CELSR1: variants seen among roughly 807,000 people sequenced by gnomAD.
CELSR1 encodes adhesion G protein-coupled receptor C1.
In CELSR1, 110 loss-of-function variants were observed where a neutral mutation model predicts 249.1. The observed-to-expected ratio is 0.44, with a 90% CI of 0.38 to 0.52. The LOEUF is 0.52. CELSR1 is among the 20% of genes least tolerant of loss of function. CELSR1 has a pLI of 0.00. For missense variants in CELSR1, 4,109 were observed against 4,296.4 expected, an observed-to-expected ratio of 0.96 and a Z score of 1.22; for synonymous variants, 2,113 against 1,900.0, an observed-to-expected ratio of 1.11 and a Z score of -2.92.
chr22:46,486,869 T>C (rs1388360259), intron 1 of CELSR1, among the ~76,000 whole-genome samples: 1 of 152,018 alleles, frequency 6.6e-6, no homozygotes, highest in East Asian at 1.9e-4. Context: ...AATAAAGTCA[T>C]GCATCAGGAC....
In CELSR1 at chr22:46,390,351, C is replaced by A. The variant is rs1176293309; in HGVS notation, c.6345+41G>T. 3 of 1,497,670 alleles carry A rather than the reference C, an allele frequency of 2.0e-6. No homozygotes were observed. The highest frequency in any genetic ancestry group is 2.8e-6 in the Non-Finnish European group (3 of 1,086,048). The allele number at this position is 1,497,670 out of a possible 1,614,324, so 92.8% of individuals were successfully genotyped here. On this transcript the variant is annotated intron_variant, in intron 17 of 34. Transcript: ENST00000674500. This position sits in a 1 kb window ranked among gnomAD's most constrained non-coding sequence, Gnocchi z 6.3. ...ACTCTCTCACGCATACACGAACACA[C>A]ACGTGCCCCTGCTGAACACACATCC...
At chr22:46,508,438 C>T (rs1451887025) in intron 1 of CELSR1, among the ~76,000 whole-genome samples, 2 of 138,548 alleles carry the variant, frequency 1.4e-5, no homozygotes, top group African/African-American at 6.1e-5. Flanking sequence ...GTGGCCCCCC[C>T]ACCCCCGCCC....
intron 1 of CELSR1, among the ~76,000 whole-genome samples, chr22:46,501,531 A>T (rs2080466772): frequency 6.6e-6 from 1 of 152,136 alleles, no homozygotes; most frequent in Non-Finnish European, 1.5e-5. Flanking sequence ...TTAAACAGAC[A>T]TTTAAATAAG....
intron 3 of CELSR1, among the ~76,000 whole-genome samples, chr22:46,438,132 A>C (rs2079687274): frequency 6.6e-6 from 1 of 151,640 alleles, no homozygotes. Context: ...GAGGGTTGGA[A>C]CAATGCAAGC....
chr22:46,454,881 G>C lies in CELSR1; in HGVS notation c.4183+8826C>G, dbSNP rs1349846486. ...CTGAATTGTGTCCCCAGAAAGATAC[G>C]CTCAGTTACGAACTCCCAGTACCCT... On this transcript the variant is annotated intron_variant, in intron 2 of 34. Coordinates refer to ENST00000674500, the MANE Select transcript of CELSR1 (RefSeq NM_001378328.1). This position sits in a 1 kb window ranked among gnomAD's most constrained non-coding sequence, Gnocchi z 5.1. Among the ~76,000 whole-genome samples, 1 of 152,224 alleles carries C rather than the reference G, an allele frequency of 6.6e-6. No individual in the cohort carries two copies. Among genetic ancestry groups the C allele is most frequent in the Non-Finnish European group, 1.5e-5 (1 of 68,038 alleles).
chr22:46,396,768 T>G lies in CELSR1; in HGVS notation c.5702-22A>C. On this transcript the variant is annotated intron_variant, in intron 12 of 34. Transcript: ENST00000674500. The surrounding 1 kb of genome is among the most constrained non-coding windows in gnomAD (Gnocchi z 6.4). ...TACCCTGCAAGGACAGAGCCAGCAT[T>G]ACCTCCACCCACAATCCACGAGACC... is the stretch of plus-strand genomic sequence containing the variant. The G allele has an allele frequency of 6.2e-7, 1 of 1,608,078 alleles. No individual in the cohort carries two copies. The highest frequency in any genetic ancestry group is 8.5e-7 in the Non-Finnish European group (1 of 1,177,384).
At chr22:46,519,988 T>C (rs2080668758) in intron 1 of CELSR1, among the ~76,000 whole-genome samples, 1 of 151,812 alleles carries the variant, frequency 6.6e-6, no homozygotes, top group Admixed American at 6.6e-5. Flanking sequence ...TCTCCTGCCT[T>C]ACCCACCCGA....
rs998946917 is a variant in CELSR1, at chr22:46,381,073, A to G, written c.7089-118T>C. On this transcript the variant is annotated intron_variant, in intron 21 of 34. Transcript: ENST00000674500. This position sits in a 1 kb window ranked among gnomAD's most constrained non-coding sequence, Gnocchi z 6.0. ...GTGTTTCTAGGGGAGACAGAATCAC[A>G]CTCCGAGAGCTCGGACCCACGGACC... The G allele has an allele frequency of 3.6e-6, 4 of 1,121,512 alleles. No individual in the cohort carries two copies. The African/African-American group carries it at 4.7e-5, about 13-fold the overall frequency. 69.5% of individuals were successfully genotyped at this position (1,121,512 alleles called of 1,614,324 possible).
intron 1 of CELSR1, among the ~76,000 whole-genome samples, chr22:46,516,592 G>A (rs563927583): frequency 1.6e-4 from 25 of 152,006 alleles, no homozygotes; most frequent in African/African-American, 4.8e-4. Context: ...CTCCTGCCTC[G>A]CCTCCCAAAG....
chr22:46,492,802 T>C (rs149330372), intron 1 of CELSR1, among the ~76,000 whole-genome samples: 2 of 152,148 alleles, frequency 1.3e-5, no homozygotes, highest in African/African-American at 4.8e-5. Context: ...TGAGCCAAGA[T>C]AGCCAAGATC....
At chr22:46,375,489 A>T (rs2078908889) in intron 24 of CELSR1, among the ~76,000 whole-genome samples, 2 of 149,446 alleles carry the variant, frequency 1.3e-5, no homozygotes, top group Non-Finnish European at 3.0e-5. Context: ...AGGCCTGCGC[A>T]TTATCAGACT....
At chr22:46,529,764 C>G (rs143465086) in intron 1 of CELSR1, among the ~76,000 whole-genome samples, 3 of 151,410 alleles carry the variant, frequency 2.0e-5, no homozygotes, top group Admixed American at 2.0e-4. Context: ...GATCATGTCA[C>G]TGCACTCTAG....
chr22:46,481,425 C>G (rs1159671063), intron 1 of CELSR1: 1 of 1,530,250 alleles, frequency 6.5e-7, no homozygotes, highest in African/African-American at 1.4e-5. Context: ...CACCTTCCAG[C>G]TTCTGCTTCA....
At chr22:46,495,044 C>G (rs1434455211) in intron 1 of CELSR1, among the ~76,000 whole-genome samples, 1 of 152,206 alleles carries the variant, frequency 6.6e-6, no homozygotes, top group Non-Finnish European at 1.5e-5. Context: ...CACAGAGTGT[C>G]CTTAGACAAA....
At chr22:46,373,650 T>TGGGGAGATG (rs1406314551) in intron 24 of CELSR1, among the ~76,000 whole-genome samples, 39 of 60,674 alleles carry the variant, frequency 6.4e-4, no homozygotes, top group East Asian at 3.4e-3. Context: ...AATGGGAGAA[T>TGGGGAGATG]GGGGAGATGG....
intron 25 of CELSR1, 71 bp downstream of exon 25, chr22:46,372,807 GAGGGC>G: frequency 6.7e-7 from 1 of 1,501,710 alleles, no homozygotes; most frequent in Admixed American, 1.9e-5. Flanking sequence ...GAAGAGAAAG[GAGGGC>G]AGCGTTCCTG....
rs760843875 is a variant in CELSR1 at position 46,396,706 on chromosome 22, G to T, written c.5742C>A (p.Asn1914Lys). The part of the protein sequence containing the change: ...GINCVDACHL[N>K]PCENMGACVR... ...CGCAGGCCCCCATGTTCTCGCAGGG[G>T]TTCAGGTGACAGGCATCCACACAGT... The change falls in exon 13 of 35, where the codon AAC becomes AAA. Residue 1914 changes from asparagine to lysine, a missense_variant. Coordinates refer to ENST00000674500, the MANE Select transcript of CELSR1 (RefSeq NM_001378328.1). The surrounding 1 kb of genome is among the most constrained non-coding windows in gnomAD (Gnocchi z 6.4). 4.3e-6 allele frequency: 7 copies of T among 1,612,796 alleles called. No individual in the cohort carries two copies. The highest frequency in any genetic ancestry group is 5.9e-6 in the Non-Finnish European group (7 of 1,179,536).
rs2079579276 is a variant in CELSR1, at chr22:46,430,242, C to T, written c.4611+3151G>A. On this transcript the variant is annotated intron_variant, in intron 5 of 34. Coordinates refer to ENST00000674500, the MANE Select transcript of CELSR1 (RefSeq NM_001378328.1). The surrounding 1 kb of genome is among the most constrained non-coding windows in gnomAD (Gnocchi z 4.6). ...AGCAGCGGCATGGCCCGCACCAATG[C>T]TTCCACCCTCTCCAGACTGCTGTAT... 6.6e-6 allele frequency among the ~76,000 whole-genome samples: 1 copy of T among 152,230 alleles called. No homozygotes were observed. Among genetic ancestry groups the T allele is most frequent in the South Asian group, 2.1e-4 (1 of 4,838 alleles).
Position 46,382,566 on chromosome 22 carries a change from G to A in CELSR1, c.6884-516C>T, listed in dbSNP as rs182829892. Among the ~76,000 whole-genome samples, 19 of 152,232 alleles carry A rather than the reference G, an allele frequency of 1.2e-4. No individual in the cohort carries two copies. In the East Asian group the frequency reaches 1.4e-3, roughly 11 times the overall value. ...GCTGGGATTACAGCCGTGAGCCACCGCGCCCGGCCTGGACCCAGATACTTC... is the reference window on the plus strand; with the variant it reads ...GCTGGGATTACAGCCGTGAGCCACCACGCCCGGCCTGGACCCAGATACTTC... On this transcript the variant is annotated intron_variant, in intron 20 of 34. Transcript: ENST00000674500.
Sources: allele counts gnomAD v4.1 joint callset (sites outside exome capture counted in the v4.1 genomes callset), GRCh38; gene constraint gnomAD v4.1.1; non-coding constraint Gnocchi (gnomAD v3.1); transcripts MANE v1.5; gene names NCBI Gene and HGNC (gene_info 2026-07-23, HGNC 2026-07-21).